Variants in CNN3 observed in about 807,000 individuals in gnomAD.
CNN3 encodes the protein calponin 3.
In CNN3, 11 loss-of-function variants were observed where a neutral mutation model predicts 39.0. The ratio of observed to expected loss-of-function variants is 0.28; its 90% CI spans 0.18 to 0.47. The LOEUF is 0.47. Ranked by LOEUF, CNN3 falls within the 20% of genes least tolerant of loss-of-function variation. The probability of loss-of-function intolerance (pLI) is 0.99; values close to 1 mark genes in which losing one functional copy is unlikely to be tolerated. For synonymous variants in CNN3, 101 were observed against 138.3 expected (o/e 0.73, Z 1.89); for missense variants, 266 against 403.4 (o/e 0.66, Z 2.92).
intron 1 of CNN3, among the ~76,000 whole-genome samples, chr1:94,907,266 G>A (rs536822011): frequency 1.3e-5 from 2 of 152,224 alleles, no homozygotes; most frequent in East Asian, 3.9e-4. Context: ...TTAAGTAAAG[G>A]AGCAACAGGA....
At position 94,897,784 on chromosome 1, in the gene CNN3, G is replaced by A. The variant is rs1186326926; in HGVS notation, c.948C>T (p.Tyr316=). The change falls in exon 7 of 7, where the codon TAC becomes TAT. Residue 316 remains tyrosine (Y), a synonymous_variant. Coordinates refer to ENST00000370206, the MANE Select transcript of CNN3 (RefSeq NM_001839.5). ...DEYHGEYQDD[Y]PRDYQYSDQG... ...GGTCGCTATATTGGTAATCTCTGGG[G>A]TAGTCATCCTGGTACTCGCCATGAT... 3 of 1,613,946 alleles carry A rather than the reference G, an allele frequency of 1.9e-6. No homozygotes were observed. Among genetic ancestry groups the A allele is most frequent in the African/African-American group, 1.3e-5 (1 of 74,906 alleles).
chr1:94,911,350 T>C (rs1358168840), intron 1 of CNN3, among the ~76,000 whole-genome samples: 2 of 152,240 alleles, frequency 1.3e-5, no homozygotes, highest in African/African-American at 4.8e-5. Context: ...GAGGTACAAC[T>C]GTGTCTTCAG....
intron 1 of CNN3, among the ~76,000 whole-genome samples, chr1:94,909,377 CAAT>C: frequency 1.3e-5 from 2 of 152,260 alleles, no homozygotes; most frequent in Middle Eastern, 6.8e-3. Context: ...TAACTAGGAA[CAAT>C]GTCTAAAACA....
chr1:94,902,312 T>G, intron 3 of CNN3, 54 bp from the exon 4 acceptor site: 1 of 1,498,658 alleles, frequency 6.7e-7, no homozygotes, highest in Non-Finnish European at 9.1e-7. Context: ...ACATTCATAA[T>G]TTCTAAGAAT....
At chr1:94,914,445 G>C (rs566830031) in intron 1 of CNN3, among the ~76,000 whole-genome samples, 1 of 152,226 alleles carries the variant, frequency 6.6e-6, no homozygotes, top group East Asian at 1.9e-4. Context: ...AACCAGCCTG[G>C]GGAACCCTCA....
At chr1:94,898,506 A>G (rs530134605) in intron 6 of CNN3, among the ~76,000 whole-genome samples, 1 of 152,248 alleles carries the variant, frequency 6.6e-6, no homozygotes, top group South Asian at 2.1e-4. Flanking sequence ...TGGGTTACCA[A>G]TTTCAAAAAT....
chr1:94,918,139 A>G (rs1323151212), intron 1 of CNN3, among the ~76,000 whole-genome samples: 1 of 152,214 alleles, frequency 6.6e-6, no homozygotes, highest in Non-Finnish European at 1.5e-5. Flanking sequence ...ATCCAAATGT[A>G]CCCACCACCA....
intron 1 of CNN3, among the ~76,000 whole-genome samples, chr1:94,918,310 T>C (rs1202179575): frequency 6.6e-6 from 1 of 151,648 alleles, no homozygotes; most frequent in African/African-American, 2.4e-5. Flanking sequence ...CTGGCCAACA[T>C]AGTGAAACCC....
intron 5 of CNN3, among the ~76,000 whole-genome samples, chr1:94,900,461 G>A (rs1344679958): frequency 2.0e-5 from 3 of 152,112 alleles, no homozygotes; most frequent in Non-Finnish European, 4.4e-5. Flanking sequence ...ACTGACCACA[G>A]TATTTGATGA....
chr1:94,906,376 G>A (rs1671001178), intron 1 of CNN3, among the ~76,000 whole-genome samples: 1 of 152,178 alleles, frequency 6.6e-6, no homozygotes, highest in African/African-American at 2.4e-5. Flanking sequence ...ACTGGAGGTG[G>A]TGGTATGAAA....
In CNN3 at chr1:94,926,804, C is replaced by T. The variant is rs147873600; in HGVS notation, c.57+34G>A. On this transcript the variant is annotated intron_variant, in intron 1 of 6. Transcript: ENST00000370206. The surrounding 1 kb of genome is among the most constrained non-coding windows in gnomAD (Gnocchi z 4.2). Reference sequence around the variant, plus strand: ...GCGCCAGGCCAGCCCAAGGGTGCCCCGGGGGCCCCCGCGCCCGCCCGAGCC... The same window carrying T: ...GCGCCAGGCCAGCCCAAGGGTGCCCTGGGGGCCCCCGCGCCCGCCCGAGCC... 0.022 allele frequency: 35,548 copies of T among 1,601,130 alleles called. 472 individuals carry two copies. Among genetic ancestry groups the T allele is most frequent in the Middle Eastern group, 0.031 (187 of 6,042 alleles).
chr1:94,917,169 T>A (rs1225036041), intron 1 of CNN3, among the ~76,000 whole-genome samples: 1 of 152,208 alleles, frequency 6.6e-6, no homozygotes, highest in Admixed American at 6.5e-5. Context: ...CCTGAGGAGC[T>A]GGGATTACAG....
Position 94,926,987 on chromosome 1 carries a change from G to A in CNN3, c.-93C>T. 7.2e-7 allele frequency: 1 copy of A among 1,395,010 alleles called. No homozygotes were observed. The highest frequency in any genetic ancestry group is 1.3e-5 in the South Asian group (1 of 78,216). The allele number at this position is 1,395,010 out of a possible 1,614,324, so 86.4% of individuals were successfully genotyped here. ...CTGGCCCCGAGGAGTGGCCGCCGCG[G>A]GGGATGCTCGAACTCCCTCCTCTGG... is the stretch of plus-strand genomic sequence containing the variant. On this transcript the variant is annotated 5_prime_UTR_variant, in exon 1 of 7. Transcript: ENST00000370206. This position sits in a 1 kb window ranked among gnomAD's most constrained non-coding sequence, Gnocchi z 4.2.
Position 94,897,655 on chromosome 1 carries a change from GAAGACAAGATAAAAATTACTC to G in CNN3, c.*66_*86del. ...TACAATAAGCTTAATAGTGTTTTAG[GAAGACAAGATAAAAATTACTC>G]AAGGCTAGCTTGGTTCTCACTGAAT... is the stretch of plus-strand genomic sequence containing the variant. On this transcript the variant is annotated 3_prime_UTR_variant, in exon 7 of 7. Transcript: ENST00000370206. 1 of 1,229,484 alleles carries G rather than the reference GAAGACAAGATAAAAATTACTC, an allele frequency of 8.1e-7. No individual in the cohort carries two copies. Among genetic ancestry groups the G allele is most frequent in the Non-Finnish European group, 1.2e-6 (1 of 868,348 alleles). 76.2% of individuals were successfully genotyped at this position (1,229,484 alleles called of 1,614,324 possible). A position where few individuals can be genotyped will look rare whatever the true frequency, so the allele number is the denominator to read the frequency against.
intron 4 of CNN3, 72 bp from the exon 5 acceptor site, chr1:94,901,857 T>C (rs116488763): frequency 0.018 from 20,501 of 1,109,756 alleles, 612 homozygotes; most frequent in Non-Finnish European, 0.016. Context: ...AGAAATGATA[T>C]GTCCATAGAC....
intron 1 of CNN3, among the ~76,000 whole-genome samples, chr1:94,911,186 G>A (rs1671153006): frequency 6.6e-6 from 1 of 152,194 alleles, no homozygotes. Flanking sequence ...CTTTTCTTGA[G>A]GTCACCACAG....
chr1:94,912,484 T>C (rs191673279), intron 1 of CNN3, among the ~76,000 whole-genome samples: 346 of 152,104 alleles, frequency 2.3e-3, no homozygotes, highest in Non-Finnish European at 3.4e-3. Context: ...GAGTGGACTC[T>C]TGGGGAGAGA....
At chr1:94,911,506 G>C (rs1158630988) in intron 1 of CNN3, among the ~76,000 whole-genome samples, 1 of 152,192 alleles carries the variant, frequency 6.6e-6, no homozygotes, top group Non-Finnish European at 1.5e-5. Flanking sequence ...TACTAGGACG[G>C]GTGCAGTGGC....
rs778966760 is a variant in CNN3 at position 94,903,580 on chromosome 1, C to T, written c.58-56G>A. Reference sequence around the variant, plus strand: ...ATTTCACAAAAGCATCAGAAACTGCCGACTCACAACGCGCTCTGCTTTCAC... The same window carrying T: ...ATTTCACAAAAGCATCAGAAACTGCTGACTCACAACGCGCTCTGCTTTCAC... On this transcript the variant is annotated intron_variant, in intron 1 of 6. Transcript: ENST00000370206. 329 of 1,605,964 alleles carry T rather than the reference C, an allele frequency of 2.0e-4. 1 individual carries two copies. The highest frequency in any genetic ancestry group is 2.7e-4 in the Non-Finnish European group (319 of 1,176,364).
Sources: allele counts gnomAD v4.1 joint callset (sites outside exome capture counted in the v4.1 genomes callset), GRCh38; gene constraint gnomAD v4.1.1; non-coding constraint Gnocchi (gnomAD v3.1); transcripts MANE v1.5; gene names NCBI Gene and HGNC (gene_info 2026-07-23, HGNC 2026-07-21).